Variants in TENM4 observed in about 807,000 individuals in gnomAD.
TENM4 encodes teneurin-4.
TENM4 carries 82 observed loss-of-function variants against 243.3 expected under a neutral mutation model. That is an observed-to-expected ratio of 0.34 (90% CI 0.28 to 0.40). The LOEUF is 0.40. TENM4 is among the 10% of genes least tolerant of loss of function. The pLI is 1.00. For synonymous variants in TENM4, 1,412 were observed against 1,456.3 expected, an observed-to-expected ratio of 0.97 and a Z score of 0.69; for missense variants, 3,138 against 3,673.3, an observed-to-expected ratio of 0.85 and a Z score of 3.77.
chr11:78,885,791 G>A (rs1855535312), intron 9 of TENM4, among the ~76,000 whole-genome samples: 1 of 152,146 alleles, frequency 6.6e-6, no homozygotes, highest in Non-Finnish European at 1.5e-5. Flanking sequence ...CAGGTGCAGT[G>A]GGGCACAACT....
At position 78,698,977 on chromosome 11, in the gene TENM4, C is replaced by G. The variant is rs575611669; in HGVS notation, c.5087+2549G>C. On this transcript the variant is annotated intron_variant, in intron 28 of 33. Transcript: ENST00000278550. ...TCTTGATCTCTCATATTTGATTCTG[C>G]TCTTCTCACCTGACCTCTGATTCCT... 5.9e-4 allele frequency among the ~76,000 whole-genome samples: 90 copies of G among 152,326 alleles called. 2 individuals carry two copies. Among genetic ancestry groups the G allele is most frequent in the Admixed American group, 5.6e-3 (86 of 15,304 alleles).
At chr11:78,980,994 G>A (rs1031554814) in intron 6 of TENM4, among the ~76,000 whole-genome samples, 13 of 152,150 alleles carry the variant, frequency 8.5e-5, no homozygotes, top group African/African-American at 2.9e-4. Context: ...AGCTGGATTG[G>A]AACCTGTGAC....
At chr11:78,762,910 A>C (rs535446009) in intron 18 of TENM4, among the ~76,000 whole-genome samples, 2 of 152,338 alleles carry the variant, frequency 1.3e-5, no homozygotes, top group East Asian at 3.9e-4. Context: ...GTAGGGACAG[A>C]AATGTAATTT....
At chr11:79,067,215 T>C (rs1458702698) in intron 5 of TENM4, among the ~76,000 whole-genome samples, 1 of 152,202 alleles carries the variant, frequency 6.6e-6, no homozygotes, top group African/African-American at 2.4e-5. Context: ...ATGTTAAGTA[T>C]TTTGCATACC....
At chr11:79,316,856 G>T (rs1348558884) in intron 1 of TENM4, among the ~76,000 whole-genome samples, 4 of 152,194 alleles carry the variant, frequency 2.6e-5, no homozygotes, top group Non-Finnish European at 4.4e-5. Flanking sequence ...ACTTTGGAAA[G>T]AAATAAGCAG....
At chr11:79,152,064 G>A (rs765018135) in intron 3 of TENM4, among the ~76,000 whole-genome samples, 7 of 152,104 alleles carry the variant, frequency 4.6e-5, no homozygotes, top group African/African-American at 7.2e-5. Context: ...CAAAGAGTAC[G>A]TGCTAAATAA....
chr11:79,073,742 G>C (rs1440016832), intron 4 of TENM4, among the ~76,000 whole-genome samples: 2 of 152,072 alleles, frequency 1.3e-5, no homozygotes, highest in Non-Finnish European at 2.9e-5. Flanking sequence ...AACCTCTTAG[G>C]GTTGTTTTGA....
intron 18 of TENM4, among the ~76,000 whole-genome samples, chr11:78,764,197 G>T (rs146481540): frequency 2.0e-5 from 3 of 152,334 alleles, no homozygotes; most frequent in East Asian, 3.9e-4. Flanking sequence ...ATGCAGGAGC[G>T]TGCTATTAAA....
intron 6 of TENM4, among the ~76,000 whole-genome samples, chr11:78,951,188 C>A (rs892372865): frequency 1.3e-5 from 2 of 152,260 alleles, no homozygotes; most frequent in Non-Finnish European, 1.5e-5. Flanking sequence ...CCTTGTCCCC[C>A]TGTCTGCGCA....
At chr11:78,935,639 A>G (rs571475949) in intron 6 of TENM4, among the ~76,000 whole-genome samples, 1 of 152,330 alleles carries the variant, frequency 6.6e-6, no homozygotes, top group Non-Finnish European at 1.5e-5. Flanking sequence ...AGAGTAAGGA[A>G]CAGAGTATCA....
chr11:79,191,554 C>A (rs2135165289), intron 3 of TENM4: 1 of 164,586 alleles, frequency 6.1e-6, no homozygotes, highest in South Asian at 1.2e-4. Flanking sequence ...GCCACCCCGT[C>A]TGGGAAGTGA....
chr11:78,951,195 C>G (rs527593122), intron 6 of TENM4, among the ~76,000 whole-genome samples: 2 of 152,242 alleles, frequency 1.3e-5, no homozygotes, highest in Non-Finnish European at 2.9e-5. Flanking sequence ...CCCCTGTCTG[C>G]GCAGAGGACT....
chr11:79,011,942 T>C (rs1478349555), intron 6 of TENM4, among the ~76,000 whole-genome samples: 1 of 152,182 alleles, frequency 6.6e-6, no homozygotes, highest in Non-Finnish European at 1.5e-5. Context: ...GAAACCCCCT[T>C]TTCCCTGGAT....
intron 1 of TENM4, among the ~76,000 whole-genome samples, chr11:79,349,693 A>G (rs1404661358): frequency 1.3e-5 from 2 of 152,226 alleles, no homozygotes; most frequent in African/African-American, 4.8e-5. Context: ...TGTGGAAAAA[A>G]TAAGGCAGGG....
At chr11:78,918,567 G>A (rs673456) in intron 6 of TENM4, among the ~76,000 whole-genome samples, 38,880 of 152,064 alleles carry the variant, frequency 0.26, 5,154 homozygotes, top group Middle Eastern at 0.34. Context: ...AACCACAGCG[G>A]TCACTGTTCT....
At chr11:78,912,265 C>A (rs1482001831) in intron 6 of TENM4, among the ~76,000 whole-genome samples, 1 of 152,174 alleles carries the variant, frequency 6.6e-6, no homozygotes, top group Non-Finnish European at 1.5e-5. Context: ...CTCACCCCGA[C>A]TTCCAGTGAG....
At position 78,974,723 on chromosome 11, in the gene TENM4, C is replaced by CT. The variant is rs5792830; in HGVS notation, c.494-71201dup. Among the ~76,000 whole-genome samples the CT allele has an allele frequency of 5.5e-3, 711 of 129,200 alleles. 5 individuals are homozygous for CT. Among genetic ancestry groups the CT allele is most frequent in the East Asian group, 0.017 (64 of 3,686 alleles). The allele number at this position is 129,200 out of a possible 152,430, so 84.8% of individuals were successfully genotyped here. On this transcript the variant is annotated intron_variant, in intron 6 of 33. Coordinates refer to ENST00000278550, the MANE Select transcript of TENM4 (RefSeq NM_001098816.3). ...TTTCTTTCTGTTTTTCTTTTCTTTT[C>CT]TTTTTTTTTTTTTTTGAGACAGAGT...
At chr11:78,948,134 T>C (rs1468321252) in intron 6 of TENM4, among the ~76,000 whole-genome samples, 1 of 152,194 alleles carries the variant, frequency 6.6e-6, no homozygotes, top group East Asian at 1.9e-4. Flanking sequence ...GAAAAGCCCA[T>C]ATACTCTTCA....
chr11:79,302,951 G>A (rs1056511376), intron 1 of TENM4, among the ~76,000 whole-genome samples: 1 of 152,276 alleles, frequency 6.6e-6, no homozygotes, highest in African/African-American at 2.4e-5. Context: ...AGTAGAAGGA[G>A]GTCAGCAGGT....
Sources: gnomAD v4.1 joint callset for allele counts (sites outside exome capture counted in the v4.1 genomes callset) on GRCh38, gnomAD v4.1.1 for gene constraint, MANE v1.5 for transcripts, NCBI Gene and HGNC (gene_info 2026-07-23, HGNC 2026-07-21) for gene names.